Variants in TSC22D1 observed in about 807,000 individuals in gnomAD.
The protein encoded by TSC22D1 is TSC22 domain family protein 1.
In TSC22D1, 9 loss-of-function variants were observed where a neutral mutation model predicts 74.2. The observed-to-expected ratio is 0.12, with a 90% CI of 0.07 to 0.21. TSC22D1 has a LOEUF of 0.21. Ranked by LOEUF, TSC22D1 falls within the 10% of genes least tolerant of loss-of-function variation. The pLI, the probability that TSC22D1 is intolerant of heterozygous loss-of-function variation, is 1.00. For synonymous variants in TSC22D1, 586 were observed against 492.5 expected (o/e 1.19, Z -2.51); for missense variants, 1,427 against 1,304.7 (o/e 1.09, Z -1.44).
At chr13:44,475,829 T>C (rs61949804) in intron 1 of TSC22D1, among the ~76,000 whole-genome samples, 13,826 of 152,162 alleles carry the variant, frequency 0.091, 799 homozygotes, top group Non-Finnish European at 0.13. Flanking sequence ...CCAGACTAGA[T>C]AGCTCCACCA....
At chr13:44,434,978 T>A in intron 2 of TSC22D1, 95 bp from the exon 3 acceptor site, 1 of 1,058,342 alleles carries the variant, frequency 9.4e-7, no homozygotes, top group Non-Finnish European at 1.4e-6. Context: ...TCTCCCTAAC[T>A]ATTTACATAT....
chr13:44,509,397 G>A (rs1879584014), intron 1 of TSC22D1, among the ~76,000 whole-genome samples: 1 of 152,208 alleles, frequency 6.6e-6, no homozygotes, highest in Non-Finnish European at 1.5e-5. Flanking sequence ...CCAGCACTTT[G>A]GGAGGCCAAG....
chr13:44,556,783 T>C (rs1217170931), intron 1 of TSC22D1, among the ~76,000 whole-genome samples: 2 of 151,912 alleles, frequency 1.3e-5, no homozygotes, highest in Non-Finnish European at 2.9e-5. Flanking sequence ...GGAGAATCCT[T>C]TAAACCCACA....
intron 1 of TSC22D1, among the ~76,000 whole-genome samples, chr13:44,518,588 G>A (rs755932443): frequency 2.6e-5 from 4 of 152,160 alleles, no homozygotes; most frequent in African/African-American, 4.8e-5. Flanking sequence ...AAAGGCCTAT[G>A]AGAGAAAAAA....
At chr13:44,516,273 A>G in intron 1 of TSC22D1, 1 of 417,764 alleles carries the variant, frequency 2.4e-6, no homozygotes, top group South Asian at 2.0e-5. Context: ...ATTGACGCTG[A>G]ATGGTGAGAA....
rs138479428 is a variant in TSC22D1, at chr13:44,438,523, A to G, written c.2913-2428T>C. 5.8e-4 allele frequency among the ~76,000 whole-genome samples: 89 copies of G among 152,328 alleles called. 2 individuals are homozygous for G. The East Asian group carries it at 0.011, about 19-fold the overall frequency. The stretch of plus-strand genomic sequence containing the variant: ...AAGCACAGTAAATGATGAAGACCAC[A>G]ATTCTCTTTTGGGTTAAAAACCAAA... On this transcript the variant is annotated intron_variant, in intron 1 of 2. Transcript: ENST00000458659.
intron 1 of TSC22D1, among the ~76,000 whole-genome samples, chr13:44,566,000 T>A (rs926994128): frequency 1.3e-5 from 2 of 152,194 alleles, no homozygotes; most frequent in Non-Finnish European, 2.9e-5. Flanking sequence ...CATGTCCACC[T>A]TAACATTTAA....
intron 1 of TSC22D1, among the ~76,000 whole-genome samples, chr13:44,570,322 C>T (rs1431489367): frequency 6.6e-6 from 1 of 151,714 alleles, no homozygotes; most frequent in Non-Finnish European, 1.5e-5. Context: ...TTCCAGGTAG[C>T]TGGAACTACA....
intron 1 of TSC22D1, among the ~76,000 whole-genome samples, chr13:44,568,739 G>T (rs1269767097): frequency 6.6e-6 from 1 of 152,146 alleles, no homozygotes; most frequent in Non-Finnish European, 1.5e-5. Flanking sequence ...TACAGGAAAG[G>T]TAGAGCCCAA....
intron 1 of TSC22D1, among the ~76,000 whole-genome samples, chr13:44,483,190 G>A (rs1255650417): frequency 6.6e-6 from 1 of 152,200 alleles, no homozygotes; most frequent in Non-Finnish European, 1.5e-5. Context: ...GCTTTCTCTA[G>A]ACAGTCTTTC....
chr13:44,565,027 CAA>C (rs1883278257), intron 1 of TSC22D1, among the ~76,000 whole-genome samples: 1 of 152,046 alleles, frequency 6.6e-6, no homozygotes, highest in Non-Finnish European at 1.5e-5. Context: ...GCTAGGTAAT[CAA>C]GAGTTACATT....
chr13:44,545,250 G>A (rs1274057968), intron 1 of TSC22D1, among the ~76,000 whole-genome samples: 1 of 151,854 alleles, frequency 6.6e-6, no homozygotes, highest in Non-Finnish European at 1.5e-5. Context: ...CAAGAGAATC[G>A]CTTGAACCCG....
chr13:44,443,826 G>T (rs959165628), intron 1 of TSC22D1, among the ~76,000 whole-genome samples: 3 of 152,166 alleles, frequency 2.0e-5, no homozygotes, highest in Non-Finnish European at 2.9e-5. Flanking sequence ...ACTATGATAA[G>T]TTAAAGATGT....
At position 44,432,577 on chromosome 13, in the gene TSC22D1, A is replaced by C. The variant is rs1874136387; in HGVS notation, c.*2049T>G. 1 of 152,170 alleles carries C rather than the reference A, an allele frequency of 6.6e-6. No individual in the cohort carries two copies. The highest frequency in any genetic ancestry group is 2.4e-5 in the African/African-American group (1 of 41,450). The allele number at this position is 152,170 out of a possible 1,614,324, so 9.4% of individuals were successfully genotyped here. On this transcript the variant is annotated 3_prime_UTR_variant, in exon 3 of 3. Coordinates refer to ENST00000458659, the MANE Select transcript of TSC22D1 (RefSeq NM_183422.4). Reference sequence around the variant, plus strand: ...ATCATTTCAACAGGATGCCCGTGTCACCACTTTATAACACATGCACGCTAT... The same window carrying C: ...ATCATTTCAACAGGATGCCCGTGTCCCCACTTTATAACACATGCACGCTAT...
intron 1 of TSC22D1, among the ~76,000 whole-genome samples, chr13:44,439,652 A>T (rs993474758): frequency 6.6e-6 from 1 of 152,228 alleles, no homozygotes; most frequent in East Asian, 1.9e-4. Flanking sequence ...CACTGAGCAA[A>T]GATCAGGAGG....
chr13:44,555,805 T>G (rs957908197), intron 1 of TSC22D1, among the ~76,000 whole-genome samples: 1 of 151,828 alleles, frequency 6.6e-6, no homozygotes, highest in Non-Finnish European at 1.5e-5. Context: ...AGAGAAAAGC[T>G]TTTTTCATTA....
intron 1 of TSC22D1, among the ~76,000 whole-genome samples, chr13:44,534,639 T>A (rs550974398): frequency 2.6e-5 from 4 of 152,160 alleles, no homozygotes; most frequent in Non-Finnish European, 4.4e-5. Flanking sequence ...CACTTTCTCC[T>A]GTCAATTATT....
At chr13:44,437,793 T>C (rs1183397486) in intron 1 of TSC22D1, among the ~76,000 whole-genome samples, 1 of 152,176 alleles carries the variant, frequency 6.6e-6, no homozygotes. Flanking sequence ...TATTATAAAG[T>C]ATGTATTCAA....
At chr13:44,567,355 C>G (rs1194386499) in intron 1 of TSC22D1, among the ~76,000 whole-genome samples, 8 of 152,160 alleles carry the variant, frequency 5.3e-5, no homozygotes, top group Non-Finnish European at 7.4e-5. Flanking sequence ...AATTGACAAG[C>G]CACGCTCAGA....
Sources: allele counts gnomAD v4.1 joint callset (sites outside exome capture counted in the v4.1 genomes callset), GRCh38; gene constraint gnomAD v4.1.1; transcripts MANE v1.5; gene names NCBI Gene and HGNC (gene_info 2026-07-23, HGNC 2026-07-21).